The following SV2C variants were observed in gnomAD, a reference collection of about 807,000 sequenced individuals.
SV2C encodes synaptic vesicle glycoprotein 2C.
SV2C carries 49 observed loss-of-function variants against 79.7 expected under a neutral mutation model. That is an observed-to-expected ratio of 0.61 (90% CI 0.49 to 0.78). The LOEUF is 0.78. Ranked by LOEUF, SV2C falls within the 30% of genes least tolerant of loss-of-function variation. The probability of loss-of-function intolerance (pLI) is 0.00; values close to 1 mark genes in which losing one functional copy is unlikely to be tolerated. For missense variants in SV2C, 833 were observed against 912.9 expected, an observed-to-expected ratio of 0.91 and a Z score of 1.13; for synonymous variants, 334 against 333.2, an observed-to-expected ratio of 1.00 and a Z score of -0.03.
At chr5:76,171,769 G>GC (rs1410864596) in intron 2 of SV2C, among the ~76,000 whole-genome samples, 116 of 111,320 alleles carry the variant, frequency 1.0e-3, no homozygotes, top group Non-Finnish European at 1.4e-3. Flanking sequence ...GGGGGGGTCA[G>GC]CCCCCCGCCC....
chr5:76,186,602 G>T (rs1005836064), intron 2 of SV2C, among the ~76,000 whole-genome samples: 1 of 152,220 alleles, frequency 6.6e-6, no homozygotes, highest in African/African-American at 2.4e-5. Flanking sequence ...TGAGGCAAGA[G>T]AATTGCTTGA....
In SV2C at chr5:76,346,380, A is replaced by G. The variant is rs549642621; in HGVS notation, c.2001-6750A>G. Among the ~76,000 whole-genome samples, 24 of 152,350 alleles carry G rather than the reference A, an allele frequency of 1.6e-4. No individual in the cohort carries two copies. In the South Asian group the frequency reaches 4.1e-3, roughly 26 times the overall value. ...CAAAAATTCCTGAAAATTTAGCATC[A>G]GCTTCTGTGAGCCAGTACAACACAC... On this transcript the variant is annotated intron_variant, in intron 12 of 12. Coordinates refer to the SV2C transcript ENST00000322285.
At chr5:75,986,273 A>C in the SV2C span, among the ~76,000 whole-genome samples, 1 of 151,778 alleles carries the variant, frequency 6.6e-6, no homozygotes, top group Non-Finnish European at 1.5e-5. Context: ...AAATTGGTCC[A>C]GTGGAATTAC....
intron 4 of SV2C, among the ~76,000 whole-genome samples, chr5:76,256,347 C>T (rs1746264981): frequency 6.6e-6 from 1 of 152,168 alleles, no homozygotes; most frequent in Non-Finnish European, 1.5e-5. Context: ...TTCAGGGCAA[C>T]CCCAGAGTCT....
At chr5:75,887,360 A>G in the SV2C span, among the ~76,000 whole-genome samples, 10 of 151,972 alleles carry the variant, frequency 6.6e-5, no homozygotes, top group African/African-American at 2.4e-4. Context: ...ATAGCTCTCC[A>G]GCACCCCCAC....
chr5:76,220,258 A>G (rs1745026618), intron 4 of SV2C, among the ~76,000 whole-genome samples: 1 of 152,258 alleles, frequency 6.6e-6, no homozygotes, highest in Admixed American at 6.5e-5. Context: ...AGTAGCTACC[A>G]CAATTTTGAA....
intron 4 of SV2C, among the ~76,000 whole-genome samples, chr5:76,216,244 A>T (rs776473444): frequency 1.3e-5 from 2 of 152,144 alleles, no homozygotes; most frequent in South Asian, 4.1e-4. Flanking sequence ...CCGGAGACAG[A>T]TGGTTGCTAA....
At chr5:75,923,594 C>T in the SV2C span, among the ~76,000 whole-genome samples, 17,517 of 151,978 alleles carry the variant, frequency 0.12, 3,101 homozygotes, top group African/African-American at 0.38. Flanking sequence ...CATCTAAAAG[C>T]GGGCAAATGA....
the SV2C span, among the ~76,000 whole-genome samples, chr5:76,067,598 G>A: frequency 6.6e-6 from 1 of 151,734 alleles, no homozygotes; most frequent in African/African-American, 2.4e-5. Flanking sequence ...CATGTGGTTA[G>A]GATCTAGACT....
chr5:76,160,737 T>A (rs1742874118), intron 2 of SV2C, among the ~76,000 whole-genome samples: 1 of 152,180 alleles, frequency 6.6e-6, no homozygotes. Context: ...AATAGACATT[T>A]CTCCAAGAAA....
At chr5:75,849,626 TGAATTTTTCTCTATTAAAAATGTAAATA>T in the SV2C span, among the ~76,000 whole-genome samples, 1 of 152,236 alleles carries the variant, frequency 6.6e-6, no homozygotes, top group Non-Finnish European at 1.5e-5. Context: ...TTATGCAAAC[TGAATTTTTCTCTATTAAAAATGTAAATA>T]GAATTTAACT....
chr5:76,236,000 G>C (rs1393900589), intron 4 of SV2C, among the ~76,000 whole-genome samples: 4 of 152,148 alleles, frequency 2.6e-5, no homozygotes, highest in South Asian at 2.1e-4. Flanking sequence ...CTCAGTGGAG[G>C]TTCCCATGTT....
the SV2C span, among the ~76,000 whole-genome samples, chr5:76,047,766 C>CTTTTT: frequency 9.3e-5 from 12 of 129,232 alleles, no homozygotes; most frequent in African/African-American, 1.7e-4. Flanking sequence ...TTTTTCTTTT[C>CTTTTT]TTTTTTTTTT....
the SV2C span, among the ~76,000 whole-genome samples, chr5:75,970,827 G>A: frequency 1.3e-5 from 2 of 152,070 alleles, no homozygotes; most frequent in Non-Finnish European, 2.9e-5. Context: ...CATTTTATGA[G>A]GCCAGCATCA....
At chr5:76,254,144 TTATA>T (rs33938268) in intron 4 of SV2C, among the ~76,000 whole-genome samples, 28 of 146,994 alleles carry the variant, frequency 1.9e-4, no homozygotes, top group African/African-American at 6.3e-4. Flanking sequence ...ATATGTGTTA[TTATA>T]TATATATATA....
intron 2 of SV2C, among the ~76,000 whole-genome samples, chr5:76,139,502 CT>C (rs1749181451): frequency 6.6e-6 from 1 of 152,152 alleles, no homozygotes; most frequent in Admixed American, 6.5e-5. Flanking sequence ...AACTGGCATT[CT>C]GTTTTTTTCT....
chr5:75,898,104 T>C, the SV2C span, among the ~76,000 whole-genome samples: 2 of 152,170 alleles, frequency 1.3e-5, no homozygotes, highest in African/African-American at 2.4e-5. Context: ...TCCAACACTA[T>C]GTTGAATAGG....
intron 2 of SV2C, among the ~76,000 whole-genome samples, chr5:76,177,025 G>A (rs1743551784): frequency 6.6e-6 from 1 of 151,372 alleles, no homozygotes; most frequent in Non-Finnish European, 1.5e-5. Context: ...TGAGGCAGGA[G>A]AATGGCGTGA....
the SV2C span, among the ~76,000 whole-genome samples, chr5:76,016,135 C>T: frequency 6.6e-6 from 1 of 151,396 alleles, no homozygotes; most frequent in Non-Finnish European, 1.5e-5. Context: ...GTGGGTGGCC[C>T]CATTCTTAGC....
Sources: allele counts gnomAD v4.1 joint callset (sites outside exome capture counted in the v4.1 genomes callset), GRCh38; gene constraint gnomAD v4.1.1; transcripts MANE v1.5; gene names NCBI Gene and HGNC (gene_info 2026-07-23, HGNC 2026-07-21).